ADGRV1: variants seen among roughly 807,000 people sequenced by gnomAD.
The protein encoded by ADGRV1 is adhesion G protein-coupled receptor V1, also known as G-protein coupled receptor 98.
ADGRV1 carries 359 observed loss-of-function variants against 596.2 expected under a neutral mutation model. The observed-to-expected ratio is 0.60, with a 90% CI of 0.55 to 0.66. The LOEUF is 0.66. Among genes scored for constraint, ADGRV1 ranks in the 30% least tolerant of loss-of-function variants. The probability of loss-of-function intolerance (pLI) is 0.00; values close to 1 mark genes in which losing one functional copy is unlikely to be tolerated. For missense variants in ADGRV1, 7,274 were observed against 7,575.6 expected, an observed-to-expected ratio of 0.96 and a Z score of 1.48; for synonymous variants, 2,681 against 2,679.2, an observed-to-expected ratio of 1.00 and a Z score of -0.02.
intron 83 of ADGRV1, among the ~76,000 whole-genome samples, chr5:90,932,962 C>T (rs575978258): frequency 3.9e-5 from 6 of 152,146 alleles, no homozygotes; most frequent in Admixed American, 3.9e-4. Flanking sequence ...GCAGGCCCCA[C>T]GTATATAATT....
At chr5:90,768,346 GTCTCCCACGGGT>G (rs1370338803) in intron 59 of ADGRV1, among the ~76,000 whole-genome samples, 1 of 152,074 alleles carries the variant, frequency 6.6e-6, no homozygotes, top group Admixed American at 6.6e-5. Flanking sequence ...AAAGATCTAT[GTCTCCCACGGGT>G]TCTAATTTGG....
intron 34 of ADGRV1, among the ~76,000 whole-genome samples, chr5:90,698,069 TC>T (rs1747432729): frequency 6.6e-6 from 1 of 152,162 alleles, no homozygotes; most frequent in African/African-American, 2.4e-5. Context: ...AGTTTATTTA[TC>T]CATGCAAATA....
At chr5:91,081,030 C>T (rs1275511400) in intron 86 of ADGRV1, among the ~76,000 whole-genome samples, 1 of 152,060 alleles carries the variant, frequency 6.6e-6, no homozygotes, top group African/African-American at 2.4e-5. Context: ...GACTGGGTGT[C>T]CTAAACAACA....
chr5:90,879,604 T>C (rs1337940769), intron 83 of ADGRV1, among the ~76,000 whole-genome samples: 5 of 151,416 alleles, frequency 3.3e-5, no homozygotes, highest in Non-Finnish European at 7.4e-5. Flanking sequence ...TATTTTATGC[T>C]TTTTTTTTCT....
At chr5:90,983,825 C>G (rs897858012) in intron 84 of ADGRV1, among the ~76,000 whole-genome samples, 1 of 152,108 alleles carries the variant, frequency 6.6e-6, no homozygotes, top group Non-Finnish European at 1.5e-5. Context: ...CTCTAAGTAA[C>G]CAAACATTTT....
intron 41 of ADGRV1, among the ~76,000 whole-genome samples, chr5:90,711,791 T>G (rs1207753191): frequency 6.6e-6 from 1 of 152,200 alleles, no homozygotes; most frequent in Non-Finnish European, 1.5e-5. Context: ...CTATAATTTT[T>G]TTGGAGACAA....
At chr5:91,073,347 A>G (rs2151398000) in intron 86 of ADGRV1, among the ~76,000 whole-genome samples, 1 of 152,330 alleles carries the variant, frequency 6.6e-6, no homozygotes, top group African/African-American at 2.4e-5. Flanking sequence ...AATGAGGAAC[A>G]GAAGTCTTCT....
chr5:90,689,228 G>A (rs1746131476), intron 29 of ADGRV1, among the ~76,000 whole-genome samples: 7 of 152,024 alleles, frequency 4.6e-5, no homozygotes, highest in Admixed American at 3.9e-4. Flanking sequence ...ATACCTGGCT[G>A]CCTGTAGAGG....
At chr5:91,043,980 T>C (rs1785582345) in intron 85 of ADGRV1, among the ~76,000 whole-genome samples, 1 of 152,092 alleles carries the variant, frequency 6.6e-6, no homozygotes, top group South Asian at 2.1e-4. Flanking sequence ...GAGTGAGGTC[T>C]TTTGTATAAG....
chr5:90,682,644 C>T (rs778899477), intron 27 of ADGRV1, among the ~76,000 whole-genome samples: 9 of 151,878 alleles, frequency 5.9e-5, no homozygotes, highest in Non-Finnish European at 1.2e-4. Context: ...AACTGTTGTG[C>T]GATAAATTCA....
intron 1 of ADGRV1, among the ~76,000 whole-genome samples, chr5:90,591,752 G>T (rs1759535666): frequency 6.6e-6 from 1 of 152,156 alleles, no homozygotes; most frequent in African/African-American, 2.4e-5. Context: ...AGTAGCTATG[G>T]TTTTGTTCAT....
chr5:91,127,872 G>A (rs1203224347), intron 87 of ADGRV1, among the ~76,000 whole-genome samples: 1 of 152,106 alleles, frequency 6.6e-6, no homozygotes, highest in Non-Finnish European at 1.5e-5. Context: ...CCAAAATAAA[G>A]TCACTCTGCT....
intron 58 of ADGRV1, among the ~76,000 whole-genome samples, chr5:90,761,751 A>T (rs1197516811): frequency 1.3e-5 from 2 of 152,182 alleles, no homozygotes; most frequent in African/African-American, 2.4e-5. Context: ...TTCCTACTGT[A>T]TTGTTGAATA....
intron 85 of ADGRV1, among the ~76,000 whole-genome samples, chr5:91,068,599 A>G (rs1788095927): frequency 6.6e-6 from 1 of 152,150 alleles, no homozygotes; most frequent in Non-Finnish European, 1.5e-5. Context: ...CATCTCTACA[A>G]GGAGAACTAC....
intron 6 of ADGRV1, 60 bp downstream of exon 6, chr5:90,625,303 G>A (rs894244582): frequency 6.6e-6 from 7 of 1,067,206 alleles, no homozygotes; most frequent in African/African-American, 3.1e-5. Context: ...ACACAGTCCT[G>A]TATAAACTTA....
At chr5:90,711,662 T>C (rs779081444) in intron 41 of ADGRV1, among the ~76,000 whole-genome samples, 2 of 152,214 alleles carry the variant, frequency 1.3e-5, no homozygotes, top group Admixed American at 6.5e-5. Flanking sequence ...CACGAAAATT[T>C]TAACTCTTTC....
In ADGRV1 at chr5:91,145,651, A is replaced by T. The variant is rs543695094; in HGVS notation, c.18433-4379A>T. On this transcript the variant is annotated intron_variant, in intron 87 of 89. Transcript: ENST00000405460. ...TTAGAATATTATTATTGTTTCCAAAAAAAAAAACAACTCTAATTCAAGGGG... is the reference window on the plus strand; with the variant it reads ...TTAGAATATTATTATTGTTTCCAAATAAAAAAACAACTCTAATTCAAGGGG... Among the ~76,000 whole-genome samples, 4 of 152,316 alleles carry T rather than the reference A, an allele frequency of 2.6e-5. No homozygotes were observed. In the South Asian group the frequency reaches 8.3e-4, roughly 32 times the overall value.
intron 83 of ADGRV1, among the ~76,000 whole-genome samples, chr5:90,949,605 G>A (rs890001579): frequency 1.5e-4 from 23 of 152,184 alleles, no homozygotes; most frequent in Non-Finnish European, 2.9e-5. Flanking sequence ...AGGACAGGTG[G>A]TGGGAAAAAT....
chr5:90,777,283 T>A (rs1162792921), intron 61 of ADGRV1, among the ~76,000 whole-genome samples: 1 of 152,098 alleles, frequency 6.6e-6, no homozygotes, highest in African/African-American at 2.4e-5. Context: ...ATCCCCATGA[T>A]TCAGTCACCT....
Sources: allele counts gnomAD v4.1 joint callset (sites outside exome capture counted in the v4.1 genomes callset), GRCh38; gene constraint gnomAD v4.1.1; transcripts MANE v1.5; gene names NCBI Gene and HGNC (gene_info 2026-07-23, HGNC 2026-07-21).